The following PDE10A variants were observed in gnomAD, a reference collection of about 807,000 sequenced individuals.
The protein encoded by PDE10A is cAMP and cAMP-inhibited cGMP 3',5'-cyclic phosphodiesterase 10A.
In PDE10A, 39 loss-of-function variants were observed where a neutral mutation model predicts 97.7. The ratio of observed to expected loss-of-function variants is 0.40; its 90% confidence interval spans 0.31 to 0.52. The LOEUF (loss-of-function observed/expected upper bound fraction) is 0.52, where lower values mean the gene tolerates loss of function less well. Among genes scored for constraint, PDE10A ranks in the 20% least tolerant of loss-of-function variants. The pLI, the probability that PDE10A is intolerant of heterozygous loss-of-function variation, is 0.56. For synonymous variants in PDE10A, 371 were observed against 376.8 expected (o/e 0.98, Z 0.18); for missense variants, 731 against 1,047.8 (o/e 0.70, Z 4.17).
At chr6:165,433,781 C>G (rs995300055) in intron 6 of PDE10A, among the ~76,000 whole-genome samples, 1 of 151,644 alleles carries the variant, frequency 6.6e-6, no homozygotes, top group Non-Finnish European at 1.5e-5. Context: ...TTTGGGAGGC[C>G]GAGGTGGGCG....
chr6:165,970,309 G>A (rs564969917), intron 1 of PDE10A, among the ~76,000 whole-genome samples: 4 of 152,316 alleles, frequency 2.6e-5, no homozygotes, highest in African/African-American at 7.2e-5. Context: ...GACAAAACCT[G>A]AATGAGATTT....
chr6:165,877,034 A>G (rs1192016843), intron 1 of PDE10A, among the ~76,000 whole-genome samples: 1 of 152,192 alleles, frequency 6.6e-6, no homozygotes, highest in East Asian at 1.9e-4. Flanking sequence ...AGCACTAATA[A>G]CCTGGATTCT....
chr6:165,880,073 T>C (rs899327233), intron 1 of PDE10A, among the ~76,000 whole-genome samples: 1 of 152,112 alleles, frequency 6.6e-6, no homozygotes, highest in Non-Finnish European at 1.5e-5. Flanking sequence ...AGAGAATAAT[T>C]TGTAGAGGTT....
intron 1 of PDE10A, among the ~76,000 whole-genome samples, chr6:165,618,738 C>A (rs1383129476): frequency 6.6e-6 from 1 of 152,198 alleles, no homozygotes; most frequent in African/African-American, 2.4e-5. Flanking sequence ...GTGATTTGTA[C>A]AGCTTCCCCT....
Position 165,418,434 on chromosome 6 carries a change from G to A in PDE10A, c.1796+201C>T, listed in dbSNP as rs1392156098. Among the ~76,000 whole-genome samples the A allele has an allele frequency of 2.0e-5, 3 of 152,156 alleles. No individual in the cohort carries two copies. The highest frequency in any genetic ancestry group is 4.4e-5 in the Non-Finnish European group (3 of 68,026). Reference sequence around the variant, plus strand: ...ACGGCATTTCCAGGAGTGACGCTAAGGCTTCCTAGGCGCGGTTTCTCGGGC... The same window carrying A: ...ACGGCATTTCCAGGAGTGACGCTAAAGCTTCCTAGGCGCGGTTTCTCGGGC... On this transcript the variant is annotated intron_variant, in intron 11 of 21. Transcript: ENST00000539869. This position sits in a 1 kb window ranked among gnomAD's most constrained non-coding sequence, Gnocchi z 4.8.
intron 1 of PDE10A, among the ~76,000 whole-genome samples, chr6:165,730,437 T>C (rs1278206673): frequency 6.6e-6 from 1 of 152,130 alleles, no homozygotes; most frequent in East Asian, 1.9e-4. Context: ...CATACACAAA[T>C]GCAAGCATAT....
Position 165,832,547 on chromosome 6 carries a change from C to A in PDE10A, c.-615+154982G>T, listed in dbSNP as rs946496907. On this transcript the variant is annotated intron_variant, in intron 1 of 19. Coordinates refer to the PDE10A transcript ENST00000366882. ...AGGGCACTTCTGCTCCTCTGGGCCT[C>A]TGGCTTCTCAGCCAACCCCAGGAAC... Among the ~76,000 whole-genome samples, 6 of 152,316 alleles carry A rather than the reference C, an allele frequency of 3.9e-5. No homozygotes were observed. The South Asian group carries it at 6.2e-4, about 16-fold the overall frequency.
At chr6:165,896,645 C>T (rs1259460475) in intron 1 of PDE10A, among the ~76,000 whole-genome samples, 2 of 151,996 alleles carry the variant, frequency 1.3e-5, no homozygotes, top group Middle Eastern at 3.4e-3. Flanking sequence ...CTGCCTCAGC[C>T]TCCCGAGTAG....
In PDE10A at chr6:165,655,727, G is replaced by C. The variant is rs554034152; in HGVS notation, c.865+6220C>G. 6.6e-6 allele frequency among the ~76,000 whole-genome samples: 1 copy of C among 152,206 alleles called. No individual in the cohort carries two copies. The highest frequency in any genetic ancestry group is 1.9e-4 in the East Asian group (1 of 5,150). ...GATCATAAACCATGGATCACCCACT[G>C]CTCAAAACCTCCCCAAAGCCTCTGC... On this transcript the variant is annotated intron_variant, in intron 1 of 21. Coordinates refer to ENST00000539869, the MANE Select transcript of PDE10A (RefSeq NM_001385079.1). This position sits in a 1 kb window ranked among gnomAD's most constrained non-coding sequence, Gnocchi z 4.5.
chr6:165,578,208 C>G (rs1291546866), intron 1 of PDE10A, among the ~76,000 whole-genome samples: 1 of 152,178 alleles, frequency 6.6e-6, no homozygotes, highest in Non-Finnish European at 1.5e-5. Context: ...GTTCAACAGA[C>G]AGCAGCTTTT....
chr6:165,704,975 C>T (rs945418754), intron 1 of PDE10A, among the ~76,000 whole-genome samples: 2 of 152,192 alleles, frequency 1.3e-5, no homozygotes, highest in Non-Finnish European at 2.9e-5. Context: ...GTTGTGTCCT[C>T]CCAGGAGTCA....
At chr6:165,878,877 G>C (rs1271972992) in intron 1 of PDE10A, among the ~76,000 whole-genome samples, 2 of 152,188 alleles carry the variant, frequency 1.3e-5, no homozygotes, top group Non-Finnish European at 2.9e-5. Flanking sequence ...TCGAGAAGTA[G>C]AAAAGGCAAG....
intron 1 of PDE10A, among the ~76,000 whole-genome samples, chr6:165,906,013 T>TCCCTCCCTCTC (rs1782259961): frequency 5.7e-5 from 1 of 17,642 alleles, no homozygotes; most frequent in East Asian, 3.9e-3. Context: ...CCTTCCTTCC[T>TCCCTCCCTCTC]TCCCTCCCTC....
intron 2 of PDE10A, among the ~76,000 whole-genome samples, chr6:165,492,687 AC>A (rs1156652790): frequency 1.3e-5 from 2 of 152,182 alleles, no homozygotes; most frequent in Non-Finnish European, 2.9e-5. Flanking sequence ...AAAGGGACAT[AC>A]CTTAAGGTAA....
intron 1 of PDE10A, among the ~76,000 whole-genome samples, chr6:165,929,294 C>A (rs1470008205): frequency 2.0e-5 from 3 of 152,182 alleles, no homozygotes; most frequent in African/African-American, 7.2e-5. Flanking sequence ...TAGGAAGTGG[C>A]TGGACACGGG....
intron 1 of PDE10A, among the ~76,000 whole-genome samples, chr6:165,705,409 G>A (rs747533108): frequency 1.2e-4 from 19 of 152,214 alleles, no homozygotes; most frequent in Non-Finnish European, 2.5e-4. Flanking sequence ...GGGCTCAGGA[G>A]TTCTTGTACA....
At chr6:165,618,156 G>A (rs1256074030) in intron 1 of PDE10A, among the ~76,000 whole-genome samples, 1 of 152,172 alleles carries the variant, frequency 6.6e-6, no homozygotes, top group African/African-American at 2.4e-5. Flanking sequence ...CATTTTATGT[G>A]TGTTGTTTAA....
chr6:165,819,527 G>A lies in PDE10A; in HGVS notation c.-615+168002C>T, dbSNP rs1583141096. 6.6e-6 allele frequency among the ~76,000 whole-genome samples: 1 copy of A among 152,018 alleles called. No individual in the cohort carries two copies. Among genetic ancestry groups the A allele is most frequent in the Non-Finnish European group, 1.5e-5 (1 of 68,016 alleles). On this transcript the variant is annotated intron_variant, in intron 1 of 19. Coordinates refer to the PDE10A transcript ENST00000366882. This position sits in a 1 kb window ranked among gnomAD's most constrained non-coding sequence, Gnocchi z 4.2. ...CTGCAGGGTGCCGGCAGCCTCCTCC[G>A]ACCTCCGAAGAGTGGTCATTGATTT...
intron 1 of PDE10A, among the ~76,000 whole-genome samples, chr6:165,682,829 A>G (rs1337859655): frequency 6.6e-6 from 1 of 152,224 alleles, no homozygotes; most frequent in Non-Finnish European, 1.5e-5. Flanking sequence ...ACAAAGATCT[A>G]GAATCTGCTG....
Sources: allele counts gnomAD v4.1 joint callset (sites outside exome capture counted in the v4.1 genomes callset), GRCh38; gene constraint gnomAD v4.1.1; non-coding constraint Gnocchi (gnomAD v3.1); transcripts MANE v1.5; gene names NCBI Gene and HGNC (gene_info 2026-07-23, HGNC 2026-07-21).